SERINC5: variants seen among roughly 807,000 people sequenced by gnomAD.
SERINC5 encodes chromosome 5 open reading frame 12.
A neutral mutation model predicts 63.1 loss-of-function variants in SERINC5; 41 were observed. The ratio of observed to expected loss-of-function variants is 0.65; its 90% CI spans 0.51 to 0.84. SERINC5 has a LOEUF of 0.84. Ranked by LOEUF, SERINC5 falls within the 40% of genes least tolerant of loss-of-function variation. The probability of loss-of-function intolerance (pLI) is 0.00; values close to 1 mark genes in which losing one functional copy is unlikely to be tolerated. For missense variants in SERINC5, 523 were observed against 573.0 expected (o/e 0.91, Z 0.89); for synonymous variants, 222 against 215.2 (o/e 1.03, Z -0.28).
chr5:80,197,908 C>T (rs1351892553), intron 2 of SERINC5, among the ~76,000 whole-genome samples: 1 of 152,088 alleles, frequency 6.6e-6, no homozygotes, highest in Non-Finnish European at 1.5e-5. Flanking sequence ...GCCGGGATCT[C>T]GGCTCACTGC....
At chr5:80,255,363 C>G (rs1223388832) in intron 1 of SERINC5, among the ~76,000 whole-genome samples, 1 of 152,068 alleles carries the variant, frequency 6.6e-6, no homozygotes. Flanking sequence ...CAGACCTGCG[C>G]CCGGTAGTTT....
intron 2 of SERINC5, among the ~76,000 whole-genome samples, chr5:80,179,090 G>A (rs1169876267): frequency 2.0e-5 from 3 of 152,022 alleles, no homozygotes; most frequent in African/African-American, 4.8e-5. Context: ...ACCTGAGGTC[G>A]GGAGTTTGAG....
At chr5:80,213,506 G>T (rs1173883075) in intron 1 of SERINC5, among the ~76,000 whole-genome samples, 1 of 152,132 alleles carries the variant, frequency 6.6e-6, no homozygotes, top group Admixed American at 6.5e-5. Flanking sequence ...TGGCATAAGC[G>T]CATGAACAAG....
chr5:80,160,494 A>T (rs889265758), intron 7 of SERINC5, among the ~76,000 whole-genome samples: 1 of 152,244 alleles, frequency 6.6e-6, no homozygotes, highest in South Asian at 2.1e-4. Flanking sequence ...AAGTGAGACT[A>T]AAATTATGAC....
At chr5:80,191,173 T>G (rs1301687636) in intron 2 of SERINC5, among the ~76,000 whole-genome samples, 3 of 152,078 alleles carry the variant, frequency 2.0e-5, no homozygotes, top group Admixed American at 6.5e-5. Context: ...AATCCTCTGT[T>G]TTAACCTTTT....
intron 2 of SERINC5, among the ~76,000 whole-genome samples, chr5:80,187,889 C>T (rs1241969691): frequency 6.6e-6 from 1 of 152,102 alleles, no homozygotes; most frequent in Admixed American, 6.6e-5. Flanking sequence ...GAGACAACTC[C>T]CAGAAGACTG....
chr5:80,169,655 G>A (rs908662755), intron 5 of SERINC5, 109 bp from the exon 6 acceptor site: 1 of 786,296 alleles, frequency 1.3e-6, no homozygotes, highest in Non-Finnish European at 2.1e-6. Flanking sequence ...AATGCTACAG[G>A]CCACAGGCAC....
chr5:80,160,972 A>ATACG (rs1325048691), intron 7 of SERINC5, among the ~76,000 whole-genome samples: 2 of 136,822 alleles, frequency 1.5e-5, no homozygotes, highest in Non-Finnish European at 3.2e-5. Context: ...GTGTATATAT[A>ATACG]TGTATATATG....
intron 8 of SERINC5, chr5:80,158,625 C>T: frequency 1.9e-6 from 1 of 518,192 alleles, no homozygotes; most frequent in South Asian, 3.0e-5. Context: ...CAAATATTTA[C>T]ATACCATATA....
At chr5:80,230,984 G>A (rs1243950389) in intron 1 of SERINC5, among the ~76,000 whole-genome samples, 1 of 138,274 alleles carries the variant, frequency 7.2e-6, no homozygotes, top group East Asian at 2.1e-4. Flanking sequence ...GCTAATATTT[G>A]TATTTTTTGT....
chr5:80,249,621 G>A (rs911362254), intron 1 of SERINC5, among the ~76,000 whole-genome samples: 1 of 152,092 alleles, frequency 6.6e-6, no homozygotes, highest in South Asian at 2.1e-4. Context: ...TAGCCAACAT[G>A]GGGAAACCCC....
At chr5:80,251,837 A>G (rs933641696) in intron 1 of SERINC5, among the ~76,000 whole-genome samples, 2 of 62,990 alleles carry the variant, frequency 3.2e-5, no homozygotes, top group African/African-American at 1.1e-4. Context: ...ACATTAGCTG[A>G]GTCTTGCCTA....
At position 80,138,958 on chromosome 5, in the gene SERINC5, C is replaced by A. The variant is rs765006698; in HGVS notation, c.*4705G>T. The A allele has an allele frequency of 3.3e-5, 32 of 974,686 alleles. No homozygotes were observed. Among genetic ancestry groups the A allele is most frequent in the Non-Finnish European group, 3.8e-5 (31 of 820,484 alleles). The allele number at this position is 974,686 out of a possible 1,614,324, so 60.4% of individuals were successfully genotyped here. A position where few individuals can be genotyped will look rare whatever the true frequency, so the allele number is the denominator to read the frequency against. ...TTTTGAGTTTTTTATATAGGAAAAG[C>A]CTAGTCAATTCAGATGCTTTCTAGA... On this transcript the variant is annotated 3_prime_UTR_variant, in exon 12 of 12. Coordinates refer to ENST00000507668, the MANE Select transcript of SERINC5 (RefSeq NM_001174072.3).
At chr5:80,190,841 T>C (rs1484538892) in intron 2 of SERINC5, among the ~76,000 whole-genome samples, 1 of 152,172 alleles carries the variant, frequency 6.6e-6, no homozygotes, top group East Asian at 1.9e-4. Flanking sequence ...GACATTTAAG[T>C]TTCCGGCCCC....
intron 1 of SERINC5, among the ~76,000 whole-genome samples, chr5:80,205,406 A>G (rs1050267016): frequency 3.9e-5 from 6 of 152,222 alleles, no homozygotes; most frequent in Admixed American, 6.5e-5. Context: ...GAGCCTAAGG[A>G]TGAATGTACA....
intron 2 of SERINC5, among the ~76,000 whole-genome samples, chr5:80,181,416 T>TTTGTGTGTGTGTGTGTGTGTGTG: frequency 1.4e-5 from 2 of 145,446 alleles, no homozygotes; most frequent in South Asian, 4.5e-4. Flanking sequence ...TCAGCTAATT[T>TTTGTGTGTGTGTGTGTGTGTGTG]TGTGTGTGTG....
intron 11 of SERINC5, 57 bp downstream of exon 11, chr5:80,146,033 T>G (rs758161235): frequency 7.3e-5 from 115 of 1,585,892 alleles, no homozygotes; most frequent in Non-Finnish European, 9.4e-5. Context: ...CGAACAGTAC[T>G]TAACTCTTAA....
Position 80,162,753 on chromosome 5 carries a change from GTTATT to G in SERINC5, c.859+3625_859+3629del, listed in dbSNP as rs542447719. On this transcript the variant is annotated intron_variant, in intron 7 of 11. Coordinates refer to ENST00000507668, the MANE Select transcript of SERINC5 (RefSeq NM_001174072.3). ...ACGTCCTTCGTTAAATTTATTCCTAGTTATTTTATTTTTTGTAGCCATTGTAAATG... is the reference window on the plus strand; with the variant it reads ...ACGTCCTTCGTTAAATTTATTCCTAGTTATTTTTTGTAGCCATTGTAAATG... 1.5e-3 allele frequency among the ~76,000 whole-genome samples: 222 copies of G among 151,968 alleles called. 1 individual carries two copies. Among genetic ancestry groups the G allele is most frequent in the African/African-American group, 4.9e-3 (205 of 41,456 alleles).
chr5:80,153,702 A>G (rs115246174), intron 8 of SERINC5, among the ~76,000 whole-genome samples: 3 of 152,008 alleles, frequency 2.0e-5, no homozygotes, highest in Non-Finnish European at 4.4e-5. Context: ...GCTTTATTGT[A>G]CGGAGAATGC....
Sources: allele counts gnomAD v4.1 joint callset (sites outside exome capture counted in the v4.1 genomes callset), GRCh38; gene constraint gnomAD v4.1.1; transcripts MANE v1.5; gene names NCBI Gene and HGNC (gene_info 2026-07-23, HGNC 2026-07-21).